The following MIOS variants were observed in gnomAD, a reference collection of about 807,000 sequenced individuals.
MIOS encodes the protein GATOR2 complex protein MIOS.
In MIOS, 52 loss-of-function variants were observed where a neutral mutation model predicts 96.9. The ratio of observed to expected loss-of-function variants is 0.54; its 90% CI spans 0.43 to 0.68. The LOEUF is 0.68. Among genes scored for constraint, MIOS ranks in the 30% least tolerant of loss-of-function variants. The pLI is 0.00. For missense variants in MIOS, 1,005 were observed against 1,052.8 expected (o/e 0.95, Z 0.63); for synonymous variants, 397 against 359.5 (o/e 1.10, Z -1.18).
Position 7,597,504 on chromosome 7 carries a change from ATATATAT to A in MIOS, c.2401+1044_2401+1050del, listed in dbSNP as rs1784246681. ...TATATATATATATATATATATATAT[ATATATAT>A]ATATATGAAGGCAATACGTAATGTT... On this transcript the variant is annotated intron_variant, in intron 11 of 12. Transcript: ENST00000340080. Among the ~76,000 whole-genome samples, 8 of 72,906 alleles carry A rather than the reference ATATATAT, an allele frequency of 1.1e-4. 2 individuals are homozygous for A. In the South Asian group the frequency reaches 3.2e-3, roughly 29 times the overall value. The allele number at this position is 72,906 out of a possible 152,430, so 47.8% of individuals were successfully genotyped here.
In MIOS at chr7:7,573,690, T is replaced by C. The variant is rs1269188968; in HGVS notation, c.1215T>C (p.Asp405=). 29 of 1,613,804 alleles carry C rather than the reference T, an allele frequency of 1.8e-5. No homozygotes were observed. The highest frequency in any genetic ancestry group is 2.5e-5 in the Non-Finnish European group (29 of 1,179,916). Reference sequence around the variant, plus strand: ...GGGCTTTATCAAGGTATGGACTTGATACAGAGCAGGTGTGGAGGAACCACA... The same window carrying C: ...GGGCTTTATCAAGGTATGGACTTGACACAGAGCAGGTGTGGAGGAACCACA... ...RLRALSRYGL[D]TEQVWRNHIL... The change falls in exon 4 of 13, where the codon GAT becomes GAC. Residue 405 remains aspartate (D), a synonymous_variant. Transcript: ENST00000340080. The surrounding 1 kb of genome is among the most constrained non-coding windows in gnomAD (Gnocchi z 5.0).
chr7:7,599,157 A>C (rs1022574172), intron 11 of MIOS, among the ~76,000 whole-genome samples: 2 of 152,206 alleles, frequency 1.3e-5, no homozygotes, highest in Non-Finnish European at 2.9e-5. Flanking sequence ...TGAAAATCCA[A>C]TGCCTTTTAA....
intron 11 of MIOS, among the ~76,000 whole-genome samples, chr7:7,597,471 TATATATATA>T (rs1784238612): frequency 6.8e-4 from 2 of 2,932 alleles, no homozygotes; most frequent in African/African-American, 4.7e-3. Context: ...AGTAAATTTA[TATATATATA>T]TATATATATA....
At chr7:7,602,276 G>T (rs1047337781) in intron 11 of MIOS, among the ~76,000 whole-genome samples, 41 of 152,208 alleles carry the variant, frequency 2.7e-4, no homozygotes, top group Non-Finnish European at 4.1e-4. Flanking sequence ...AAAAGAGGAA[G>T]TCAAATTGTC....
intron 3 of MIOS, among the ~76,000 whole-genome samples, chr7:7,571,470 T>C (rs1783352315): frequency 6.6e-6 from 1 of 152,196 alleles, no homozygotes; most frequent in South Asian, 2.1e-4. Flanking sequence ...AATCAAGCCT[T>C]TTTAATAGTT....
chr7:7,595,192 T>G, intron 10 of MIOS, 60 bp downstream of exon 10: 1 of 1,541,074 alleles, frequency 6.5e-7, no homozygotes, highest in Admixed American at 2.0e-5. Context: ...ATTTAATAAG[T>G]TACTATTAGC....
chr7:7,578,435 G>A (rs1169911705), intron 5 of MIOS, among the ~76,000 whole-genome samples: 1 of 152,134 alleles, frequency 6.6e-6, no homozygotes, highest in Non-Finnish European at 1.5e-5. Flanking sequence ...TGAGATAGGA[G>A]GATCGCTTGG....
chr7:7,574,679 A>G (rs1783469668), intron 5 of MIOS, among the ~76,000 whole-genome samples: 1 of 152,140 alleles, frequency 6.6e-6, no homozygotes, highest in South Asian at 2.1e-4. Flanking sequence ...TATACCTGAT[A>G]TAGTCCTTGG....
At chr7:7,603,655 G>A (rs919580572) in intron 11 of MIOS, among the ~76,000 whole-genome samples, 28 of 152,258 alleles carry the variant, frequency 1.8e-4, no homozygotes, top group African/African-American at 5.5e-4. Context: ...TCAGTGTGGC[G>A]ATTCCTCAGG....
intron 3 of MIOS, among the ~76,000 whole-genome samples, chr7:7,570,726 G>C (rs952620446): frequency 6.6e-6 from 1 of 152,078 alleles, no homozygotes; most frequent in Non-Finnish European, 1.5e-5. Context: ...GTTCACAATA[G>C]GGTTTGCACT....
intron 3 of MIOS, among the ~76,000 whole-genome samples, chr7:7,570,865 G>A (rs1024728207): frequency 3.9e-5 from 6 of 152,156 alleles, no homozygotes; most frequent in Non-Finnish European, 5.9e-5. Flanking sequence ...CCTGCTGTGT[G>A]GCCTGGTTCC....
At position 7,573,215 on chromosome 7, in the gene MIOS, A is replaced by C; in HGVS notation, c.740A>C (p.Gln247Pro). Residue 247 changes from glutamine (Q) to proline (P), a missense_variant, in exon 4 of 13, where the codon CAG becomes CCG. By Grantham distance (76) the Gln-to-Pro change is moderately conservative. Transcript: ENST00000340080. This position sits in a 1 kb window ranked among gnomAD's most constrained non-coding sequence, Gnocchi z 5.0. The stretch of plus-strand genomic sequence containing the variant: ...CGTGTTGCTTCCTTCTATGAAGGTC[A>C]GGTTGCAATATGGGATCTTAGAAAA... ...HDRVASFYEG[Q>P]VAIWDLRKFE... 1 of 1,614,168 alleles carries C rather than the reference A, an allele frequency of 6.2e-7. No individual in the cohort carries two copies. The highest frequency in any genetic ancestry group is 8.5e-7 in the Non-Finnish European group (1 of 1,179,986).
In MIOS at chr7:7,607,166, C is replaced by T; in HGVS notation, c.*74C>T. On this transcript the variant is annotated 3_prime_UTR_variant, in exon 13 of 13. Transcript: ENST00000340080. ...GTGTCCTTCATAGCTCAGAAACATA[C>T]CTCAGAACAAGCCATTCATGACTTA... 3 of 1,131,396 alleles carry T rather than the reference C, an allele frequency of 2.7e-6. No homozygotes were observed. The highest frequency in any genetic ancestry group is 3.9e-6 in the Non-Finnish European group (3 of 776,242). 70.1% of individuals were successfully genotyped at this position (1,131,396 alleles called of 1,614,324 possible). A position where few individuals can be genotyped will look rare whatever the true frequency, so the allele number is the denominator to read the frequency against.
chr7:7,592,233 C>T (rs532063308), intron 9 of MIOS, among the ~76,000 whole-genome samples: 1 of 152,312 alleles, frequency 6.6e-6, no homozygotes, highest in East Asian at 1.9e-4. Context: ...AAGTGATCTG[C>T]CCGCCTCGGC....
At chr7:7,606,894 T>C (rs1407522539) in intron 12 of MIOS, 102 bp from the exon 13 acceptor site, 4 of 924,752 alleles carry the variant, frequency 4.3e-6, no homozygotes, top group Non-Finnish European at 6.6e-6. Context: ...GCGTACAGCC[T>C]GGGAAATATA....
At position 7,572,556 on chromosome 7, in the gene MIOS, T is replaced by C; in HGVS notation, c.81T>C (p.Leu27=). ...RFVVCDSELS[L]YHVESTVNSE... is the part of the protein sequence containing the mutation. ...TTGTGTGTGACTCAGAACTAAGTCT[T>C]TATCATGTGGAATCTACTGTGAATT... Residue 27 remains leucine, a synonymous_variant, in exon 4 of 13, where the codon CTT becomes CTC. Transcript: ENST00000340080. The surrounding 1 kb of genome is among the most constrained non-coding windows in gnomAD (Gnocchi z 4.8). 4 of 1,614,146 alleles carry C rather than the reference T, an allele frequency of 2.5e-6. No homozygotes were observed. The highest frequency in any genetic ancestry group is 3.4e-6 in the Non-Finnish European group (4 of 1,180,000).
chr7:7,588,177 C>T (rs1225566666), intron 7 of MIOS, among the ~76,000 whole-genome samples: 2 of 152,110 alleles, frequency 1.3e-5, no homozygotes, highest in African/African-American at 2.4e-5. Context: ...GATTATGTGG[C>T]ATCTTAAATT....
At chr7:7,600,381 C>T (rs549098227) in intron 11 of MIOS, among the ~76,000 whole-genome samples, 1 of 151,970 alleles carries the variant, frequency 6.6e-6, no homozygotes, top group Non-Finnish European at 1.5e-5. Flanking sequence ...GGAAGATCTA[C>T]CAAGCAAATG....
At chr7:7,569,809 C>G (rs1370888792) in intron 3 of MIOS, among the ~76,000 whole-genome samples, 3 of 152,120 alleles carry the variant, frequency 2.0e-5, no homozygotes, top group Non-Finnish European at 4.4e-5. Context: ...TAACTTGGCC[C>G]AGAAGACAGG....
Sources: gnomAD v4.1 joint callset for allele counts (sites outside exome capture counted in the v4.1 genomes callset) on GRCh38, gnomAD v4.1.1 for gene constraint, Gnocchi (gnomAD v3.1) non-coding constraint, MANE v1.5 for transcripts, NCBI Gene and HGNC (gene_info 2026-07-23, HGNC 2026-07-21) for gene names.